Variants in SEMA5A observed in about 807,000 individuals in gnomAD.
SEMA5A encodes semaphorin-5A.
In SEMA5A, 55 loss-of-function variants were observed where a neutral mutation model predicts 135.5. That is an observed-to-expected ratio of 0.41 (90% CI 0.33 to 0.51). SEMA5A has a LOEUF of 0.51. Among genes scored for constraint, SEMA5A ranks in the 20% least tolerant of loss-of-function variants. The pLI, the probability that SEMA5A is intolerant of heterozygous loss-of-function variation, is 0.37. For missense variants in SEMA5A, 1,290 were observed against 1,419.9 expected, an observed-to-expected ratio of 0.91 and a Z score of 1.47; for synonymous variants, 580 against 546.5, an observed-to-expected ratio of 1.06 and a Z score of -0.85.
intron 11 of SEMA5A, among the ~76,000 whole-genome samples, chr5:9,180,522 A>C (rs1744446385): frequency 6.6e-6 from 1 of 152,148 alleles, no homozygotes; most frequent in Non-Finnish European, 1.5e-5. Flanking sequence ...AAAAATTCCA[A>C]CATGATAGTT....
intron 6 of SEMA5A, among the ~76,000 whole-genome samples, chr5:9,235,844 C>T (rs913581693): frequency 2.0e-5 from 3 of 152,194 alleles, no homozygotes; most frequent in Admixed American, 6.5e-5. Context: ...AGCTAGGTCA[C>T]TGTATTAGTC....
intron 16 of SEMA5A, among the ~76,000 whole-genome samples, chr5:9,103,367 C>T (rs1739731861): frequency 6.6e-6 from 1 of 152,206 alleles, no homozygotes; most frequent in Non-Finnish European, 1.5e-5. Context: ...GTTTCATTTG[C>T]TCTGAAGATT....
At chr5:9,240,185 G>A (rs147426271) in intron 5 of SEMA5A, among the ~76,000 whole-genome samples, 4 of 152,094 alleles carry the variant, frequency 2.6e-5, no homozygotes, top group African/African-American at 9.6e-5. Flanking sequence ...CAGATTTTCT[G>A]AAGATAGTGA....
At chr5:9,075,772 C>T (rs1419809478) in intron 16 of SEMA5A, among the ~76,000 whole-genome samples, 1 of 152,108 alleles carries the variant, frequency 6.6e-6, no homozygotes, top group Admixed American at 6.5e-5. Context: ...TGTATAAATA[C>T]CTTAAAACTG....
intron 1 of SEMA5A, among the ~76,000 whole-genome samples, chr5:9,441,646 C>T (rs1758239688): frequency 6.6e-6 from 1 of 152,090 alleles, no homozygotes; most frequent in Non-Finnish European, 1.5e-5. Context: ...TGCTCAAGTC[C>T]CTGGAGGAAG....
intron 5 of SEMA5A, among the ~76,000 whole-genome samples, chr5:9,284,106 TAGAGAGAG>T (rs3034563): frequency 8.8e-5 from 13 of 148,484 alleles, no homozygotes; most frequent in African/African-American, 3.0e-4. Flanking sequence ...AGATAGATAT[TAGAGAGAG>T]AGAGAGAGAG....
rs1735864368 is a variant in SEMA5A, at chr5:9,506,059, C to CT, written c.-175+39524_-175+39525insA. Among the ~76,000 whole-genome samples the CT allele has an allele frequency of 2.0e-5, 3 of 151,142 alleles. No individual in the cohort carries two copies. In the South Asian group the frequency reaches 6.3e-4, roughly 32 times the overall value. On this transcript the variant is annotated intron_variant, in intron 1 of 22. Transcript: ENST00000382496. Reference sequence around the variant, plus strand: ...AGTATAATTAAAGTAACACATCCACCAGAATAATTTACATTATTGATAAAA... The same window carrying CT: ...AGTATAATTAAAGTAACACATCCACCTAGAATAATTTACATTATTGATAAAA...
chr5:9,053,352 T>C (rs1736700795), intron 19 of SEMA5A, among the ~76,000 whole-genome samples: 1 of 152,210 alleles, frequency 6.6e-6, no homozygotes. Flanking sequence ...AACCTCAGAC[T>C]CTGTTATTAG....
chr5:9,166,318 G>A (rs1378482946), intron 11 of SEMA5A, among the ~76,000 whole-genome samples: 1 of 151,992 alleles, frequency 6.6e-6, no homozygotes, highest in East Asian at 1.9e-4. Context: ...CAACAGCCCA[G>A]GTTAAACTCC....
chr5:9,184,065 T>A (rs1368932120), intron 11 of SEMA5A, among the ~76,000 whole-genome samples: 2 of 152,182 alleles, frequency 1.3e-5, no homozygotes, highest in East Asian at 1.9e-4. Flanking sequence ...ATTTCATGTT[T>A]GTAAAAGAGA....
intron 18 of SEMA5A, among the ~76,000 whole-genome samples, chr5:9,059,875 T>A (rs1737088799): frequency 6.6e-6 from 1 of 152,202 alleles, no homozygotes; most frequent in Admixed American, 6.5e-5. Context: ...TTAATTTTAA[T>A]GAGGAAACAT....
At chr5:9,535,293 G>T (rs1452123017) in intron 1 of SEMA5A, among the ~76,000 whole-genome samples, 1 of 152,158 alleles carries the variant, frequency 6.6e-6, no homozygotes, top group African/African-American at 2.4e-5. Context: ...ATTTCTTTTC[G>T]CAAGCTGGTG....
At chr5:9,091,002 T>A (rs1413032441) in intron 16 of SEMA5A, among the ~76,000 whole-genome samples, 2 of 152,216 alleles carry the variant, frequency 1.3e-5, no homozygotes, top group Non-Finnish European at 2.9e-5. Flanking sequence ...AGTAGTTATG[T>A]AGAAAGCTTA....
At chr5:9,438,303 T>G (rs1195132673) in intron 1 of SEMA5A, among the ~76,000 whole-genome samples, 1 of 152,162 alleles carries the variant, frequency 6.6e-6, no homozygotes, top group Non-Finnish European at 1.5e-5. Context: ...TAGCACAAAC[T>G]CTGCTAGAAA....
intron 2 of SEMA5A, among the ~76,000 whole-genome samples, chr5:9,420,009 G>C (rs924399658): frequency 1.3e-5 from 2 of 152,158 alleles, no homozygotes; most frequent in South Asian, 2.1e-4. Context: ...TGGGCCCCTC[G>C]GTGGCCATAT....
intron 16 of SEMA5A, among the ~76,000 whole-genome samples, chr5:9,089,493 G>C (rs928279245): frequency 6.6e-6 from 1 of 151,916 alleles, no homozygotes; most frequent in African/African-American, 2.4e-5. Flanking sequence ...GACTGCAATG[G>C]GTGAATATCG....
At chr5:9,118,944 C>A in intron 15 of SEMA5A, 54 bp downstream of exon 15, 3 of 1,585,772 alleles carry the variant, frequency 1.9e-6, no homozygotes, top group Non-Finnish European at 2.6e-6. Context: ...TCGACCTGGC[C>A]GGAATGAGAG....
intron 16 of SEMA5A, among the ~76,000 whole-genome samples, chr5:9,100,354 A>G (rs1739558702): frequency 6.6e-6 from 1 of 152,122 alleles, no homozygotes; most frequent in South Asian, 2.1e-4. Context: ...TTTGCCAGAC[A>G]CATCCACCTG....
intron 5 of SEMA5A, among the ~76,000 whole-genome samples, chr5:9,263,841 A>G (rs1337139792): frequency 4.6e-5 from 7 of 152,298 alleles, no homozygotes; most frequent in Non-Finnish European, 8.8e-5. Flanking sequence ...TCTCTTGGGT[A>G]TTTCTCAATG....
Sources: gnomAD v4.1 joint callset for allele counts (sites outside exome capture counted in the v4.1 genomes callset) on GRCh38, gnomAD v4.1.1 for gene constraint, MANE v1.5 for transcripts, NCBI Gene and HGNC (gene_info 2026-07-23, HGNC 2026-07-21) for gene names.